The following DLGAP2 variants were observed in gnomAD, a reference collection of about 807,000 sequenced individuals.
DLGAP2 encodes the protein disks large-associated protein 2.
In DLGAP2, 26 loss-of-function variants were observed where a neutral mutation model predicts 100.3. That is an observed-to-expected ratio of 0.26 (90% CI 0.19 to 0.36). DLGAP2 has a LOEUF of 0.36. Among genes scored for constraint, DLGAP2 ranks in the 10% least tolerant of loss-of-function variants. The pLI, the probability that DLGAP2 is intolerant of heterozygous loss-of-function variation, is 1.00. For synonymous variants in DLGAP2, 886 were observed against 630.1 expected (o/e 1.41, Z -6.08); for missense variants, 1,858 against 1,453.2 (o/e 1.28, Z -4.53).
intron 2 of DLGAP2, among the ~76,000 whole-genome samples, chr8:1,215,791 G>A (rs1375750158): frequency 7.8e-6 from 1 of 127,890 alleles, no homozygotes; most frequent in Non-Finnish European, 1.6e-5. Flanking sequence ...AGACGTCCAG[G>A]TACCTATATG....
At chr8:1,557,132 C>G (rs1801992565) in intron 5 of DLGAP2, among the ~76,000 whole-genome samples, 1 of 152,128 alleles carries the variant, frequency 6.6e-6, no homozygotes, top group South Asian at 2.1e-4. Context: ...CCGGAAGCAC[C>G]CCCATTTAGT....
At chr8:1,530,205 C>A (rs532575306) in intron 4 of DLGAP2, among the ~76,000 whole-genome samples, 43 of 152,268 alleles carry the variant, frequency 2.8e-4, no homozygotes, top group African/African-American at 1.0e-3. Flanking sequence ...CCTACAGTCT[C>A]AACCACAGGA....
At chr8:935,523 T>C (rs1799051082) in intron 2 of DLGAP2, among the ~76,000 whole-genome samples, 1 of 152,256 alleles carries the variant, frequency 6.6e-6, no homozygotes, top group South Asian at 2.1e-4. Flanking sequence ...CTGTTTCTTA[T>C]GGTTTTAATG....
rs187972370 is a variant in DLGAP2, at chr8:1,254,501, A to G, written c.74-4350A>G. On this transcript the variant is annotated intron_variant, in intron 2 of 14. Coordinates refer to ENST00000637795, the MANE Select transcript of DLGAP2 (RefSeq NM_001346810.2). The stretch of plus-strand genomic sequence containing the variant: ...GCCTCCTCGGAGCCTCTAGTTTGGA[A>G]GTGGCTCTCATGAACTTACCGTGGG... Among the ~76,000 whole-genome samples, 183 of 152,184 alleles carry G rather than the reference A, an allele frequency of 1.2e-3. 1 individual carries two copies. The highest frequency in any genetic ancestry group is 4.3e-3 in the African/African-American group (177 of 41,538).
rs568297925 is a variant in DLGAP2, at chr8:1,561,442, G to A, written c.1231-4241G>A. ...CACAGACACCGCCTGTCCAGCTCAC[G>A]GTCACAGTTCAGGATCCTTGTCCTG... On this transcript the variant is annotated intron_variant, in intron 5 of 14. Coordinates refer to ENST00000637795, the MANE Select transcript of DLGAP2 (RefSeq NM_001346810.2). Among the ~76,000 whole-genome samples, 315 of 152,276 alleles carry A rather than the reference G, an allele frequency of 2.1e-3. 1 individual carries two copies. Among genetic ancestry groups the A allele is most frequent in the Non-Finnish European group, 3.7e-3 (249 of 68,026 alleles).
Position 777,800 on chromosome 8 carries a change from G to C in DLGAP2, c.18+39975G>C, listed in dbSNP as rs537650185. Among the ~76,000 whole-genome samples, 11 of 152,088 alleles carry C rather than the reference G, an allele frequency of 7.2e-5. No homozygotes were observed. In the East Asian group the frequency reaches 1.9e-3, roughly 27 times the overall value. On this transcript the variant is annotated intron_variant, in intron 1 of 14. Coordinates refer to ENST00000637795, the MANE Select transcript of DLGAP2 (RefSeq NM_001346810.2). ...CCCTTAACATTTTTTCCTTCGTTTT[G>C]ACTTTGGTGAATCTGACAGTTATGT...
chr8:1,134,372 T>C (rs1796360367), intron 2 of DLGAP2, among the ~76,000 whole-genome samples: 1 of 152,340 alleles, frequency 6.6e-6, no homozygotes, highest in Admixed American at 6.5e-5. Flanking sequence ...CTTGGTGCAA[T>C]GGTAGTTCTG....
chr8:1,325,166 C>G (rs999407189), intron 3 of DLGAP2, among the ~76,000 whole-genome samples: 1 of 152,186 alleles, frequency 6.6e-6, no homozygotes, highest in Non-Finnish European at 1.5e-5. Flanking sequence ...CCCAGTCCCC[C>G]AGAGCTGGTG....
chr8:812,450 G>T (rs1417848243), intron 1 of DLGAP2, among the ~76,000 whole-genome samples: 8 of 152,162 alleles, frequency 5.3e-5, no homozygotes, highest in Non-Finnish European at 1.0e-4. Flanking sequence ...ATTGACTCAG[G>T]AGTTCTTCCC....
intron 2 of DLGAP2, chr8:1,019,021 G>A (rs1801553174): frequency 6.6e-6 from 1 of 152,196 alleles, no homozygotes; most frequent in South Asian, 2.1e-4. Context: ...TGGGGCCATA[G>A]GAGGCAGCGA....
intron 6 of DLGAP2, among the ~76,000 whole-genome samples, chr8:1,599,542 C>T (rs1796560414): frequency 6.6e-6 from 1 of 152,032 alleles, no homozygotes; most frequent in African/African-American, 2.4e-5. Flanking sequence ...TCTGGGTCCT[C>T]CTGTATTGGG....
chr8:1,266,873 A>G (rs1327016605), intron 3 of DLGAP2, among the ~76,000 whole-genome samples: 4 of 152,118 alleles, frequency 2.6e-5, no homozygotes, highest in Non-Finnish European at 4.4e-5. Flanking sequence ...TGGCTTGCTC[A>G]TTAATGCGTT....
At position 1,506,076 on chromosome 8, in the gene DLGAP2, G is replaced by A. The variant is rs571499557; in HGVS notation, c.172+4645G>A. Among the ~76,000 whole-genome samples, 6 of 152,272 alleles carry A rather than the reference G, an allele frequency of 3.9e-5. No homozygotes were observed. The South Asian group carries it at 1.2e-3, about 32-fold the overall frequency. On this transcript the variant is annotated intron_variant, in intron 4 of 14. Transcript: ENST00000637795. ...AATACTTAGAGCCTTCCACCTGGCA[G>A]GCACATAGATTGTGAACATGTTTTT...
chr8:1,604,663 T>A (rs1288056881), intron 6 of DLGAP2: 1 of 152,254 alleles, frequency 6.6e-6, no homozygotes. Context: ...CTACATTACA[T>A]GCAAGCACGC....
chr8:1,417,271 A>G (rs1406526892), intron 3 of DLGAP2, among the ~76,000 whole-genome samples: 1 of 151,854 alleles, frequency 6.6e-6, no homozygotes, highest in East Asian at 1.9e-4. Context: ...TTAGCGTCTG[A>G]GGCGGGAGGA....
intron 1 of DLGAP2, among the ~76,000 whole-genome samples, chr8:856,481 C>T (rs919648640): frequency 6.6e-6 from 1 of 152,076 alleles, no homozygotes; most frequent in Admixed American, 6.6e-5. Flanking sequence ...AGCCACGGCA[C>T]CCAGCAGTGG....
At chr8:956,743 A>G (rs957532077) in intron 2 of DLGAP2, among the ~76,000 whole-genome samples, 4 of 152,324 alleles carry the variant, frequency 2.6e-5, no homozygotes, top group Non-Finnish European at 5.9e-5. Context: ...GCCCTCTCCA[A>G]TCTGTCCTGA....
intron 1 of DLGAP2, among the ~76,000 whole-genome samples, chr8:766,311 C>G (rs535958699): frequency 1.3e-5 from 2 of 152,254 alleles, no homozygotes; most frequent in Non-Finnish European, 2.9e-5. Flanking sequence ...CCAGTCAGCT[C>G]GTCACCCTGC....
At chr8:905,800 C>G (rs1798366952) in intron 1 of DLGAP2, among the ~76,000 whole-genome samples, 1 of 139,454 alleles carries the variant, frequency 7.2e-6, no homozygotes, top group Admixed American at 7.0e-5. Context: ...GGTCCCAGCC[C>G]CACCCTCCCG....
Sources: gnomAD v4.1 joint callset for allele counts (sites outside exome capture counted in the v4.1 genomes callset) on GRCh38, gnomAD v4.1.1 for gene constraint, MANE v1.5 for transcripts, NCBI Gene and HGNC (gene_info 2026-07-23, HGNC 2026-07-21) for gene names.